The following NRXN1 variants were observed in gnomAD, a reference collection of about 807,000 sequenced individuals.
NRXN1 encodes neurexin-1.
In NRXN1, 39 loss-of-function variants were observed where a neutral mutation model predicts 150.9. That is an observed-to-expected ratio of 0.26 (90% CI 0.20 to 0.34). The LOEUF is 0.34. Ranked by LOEUF, NRXN1 falls within the 10% of genes least tolerant of loss-of-function variation. NRXN1 has a pLI of 1.00. For synonymous variants in NRXN1, 924 were observed against 757.0 expected (o/e 1.22, Z -3.62); for missense variants, 1,815 against 1,949.9 (o/e 0.93, Z 1.30).
chr2:50,250,386 AGGAGTAGGTT>A (rs1559170818), intron 17 of NRXN1, among the ~76,000 whole-genome samples: 1 of 152,132 alleles, frequency 6.6e-6, no homozygotes, highest in Non-Finnish European at 1.5e-5. Context: ...TTTGGTTTTC[AGGAGTAGGTT>A]GTAGATCCAC....
Position 50,916,263 on chromosome 2 carries a change from C to G in NRXN1, c.832+5606G>C, listed in dbSNP as rs1479403983. 2.0e-5 allele frequency among the ~76,000 whole-genome samples: 3 copies of G among 150,822 alleles called. No homozygotes were observed. In the Admixed American group the frequency reaches 2.0e-4, roughly 10 times the overall value. Reference sequence around the variant, plus strand: ...ATAATAAGCAGCGTCACCTTTCATGCCTTGTAACACAAAGAGGGACAATAT... The same window carrying G: ...ATAATAAGCAGCGTCACCTTTCATGGCTTGTAACACAAAGAGGGACAATAT... On this transcript the variant is annotated intron_variant, in intron 5 of 22. Coordinates refer to ENST00000401669, the MANE Select transcript of NRXN1 (RefSeq NM_001330078.2).
At position 49,942,589 on chromosome 2, in the gene NRXN1, A is replaced by ATAT. The variant is rs1553398763; in HGVS notation, c.4216+1112_4216+1114dup. Reference sequence around the variant, plus strand: ...CTCACTCATTTTGTTAATGCAAACAATATTATTATTATTATTATTATTATT... The same window carrying ATAT: ...CTCACTCATTTTGTTAATGCAAACAATATTATTATTATTATTATTATTATTATT... On this transcript the variant is annotated intron_variant, in intron 22 of 22. Coordinates refer to ENST00000401669, the MANE Select transcript of NRXN1 (RefSeq NM_001330078.2). 9.9e-3 allele frequency among the ~76,000 whole-genome samples: 1,475 copies of ATAT among 149,192 alleles called. 18 individuals are homozygous for ATAT. The highest frequency in any genetic ancestry group is 0.025 in the African/African-American group (1,012 of 40,624).
chr2:50,529,934 C>T (rs1163619666), intron 11 of NRXN1, among the ~76,000 whole-genome samples: 1 of 152,026 alleles, frequency 6.6e-6, no homozygotes, highest in Non-Finnish European at 1.5e-5. Context: ...CAATAAGATA[C>T]CAATGGGATA....
chr2:50,241,474 T>G (rs915221173), intron 17 of NRXN1, among the ~76,000 whole-genome samples: 2 of 151,776 alleles, frequency 1.3e-5, no homozygotes, highest in Non-Finnish European at 2.9e-5. Context: ...ACTAATGGAT[T>G]TACTGCAAAT....
intron 17 of NRXN1, among the ~76,000 whole-genome samples, chr2:50,332,414 G>C (rs931808611): frequency 2.0e-5 from 3 of 152,180 alleles, no homozygotes; most frequent in Non-Finnish European, 2.9e-5. Context: ...TTTGAAAGCA[G>C]AGGAAGTTAA....
At chr2:49,974,314 C>T (rs553854312) in intron 21 of NRXN1, 2 of 482,082 alleles carry the variant, frequency 4.1e-6, no homozygotes, top group East Asian at 4.5e-5. Context: ...CAGCCCAGCC[C>T]GGCACCACTC....
intron 5 of NRXN1, among the ~76,000 whole-genome samples, chr2:50,700,335 T>C (rs1296756991): frequency 6.6e-6 from 1 of 152,220 alleles, no homozygotes; most frequent in Non-Finnish European, 1.5e-5. Flanking sequence ...CTCTTCCATT[T>C]AATTTCTATG....
chr2:50,343,525 C>A (rs1369755347), intron 17 of NRXN1, among the ~76,000 whole-genome samples: 1 of 152,010 alleles, frequency 6.6e-6, no homozygotes, highest in African/African-American at 2.4e-5. Context: ...TGAGCCAATG[C>A]AAAATATAAA....
intron 5 of NRXN1, among the ~76,000 whole-genome samples, chr2:50,637,136 G>C (rs1683343142): frequency 6.6e-6 from 1 of 151,996 alleles, no homozygotes; most frequent in Non-Finnish European, 1.5e-5. Flanking sequence ...TCAATATAAT[G>C]AACATAGATA....
At chr2:50,299,716 T>C (rs1482391483) in intron 17 of NRXN1, among the ~76,000 whole-genome samples, 2 of 152,216 alleles carry the variant, frequency 1.3e-5, no homozygotes, top group African/African-American at 2.4e-5. Flanking sequence ...TTAATCTGTA[T>C]ATCCACATAA....
chr2:50,798,037 A>G (rs1056050815), intron 5 of NRXN1, among the ~76,000 whole-genome samples: 4 of 152,180 alleles, frequency 2.6e-5, no homozygotes, highest in Admixed American at 6.6e-5. Flanking sequence ...CTAAAAGTAG[A>G]TATTTCCTAT....
rs143313795 is a variant in NRXN1, at chr2:50,100,106, C to T, written c.3547-8612G>A. On this transcript the variant is annotated intron_variant, in intron 18 of 22. Coordinates refer to ENST00000401669, the MANE Select transcript of NRXN1 (RefSeq NM_001330078.2). ...TTCAAAATTTAAAAAAATAGAAAAA[C>T]TCTAAGATTTTATTGTGTTTTTAAA... Among the ~76,000 whole-genome samples the T allele has an allele frequency of 4.4e-3, 671 of 152,162 alleles. 6 individuals are homozygous for T. The highest frequency in any genetic ancestry group is 0.015 in the African/African-American group (638 of 41,536).
intron 2 of NRXN1, among the ~76,000 whole-genome samples, chr2:51,008,389 A>T (rs1375378234): frequency 6.6e-6 from 1 of 151,908 alleles, no homozygotes; most frequent in Non-Finnish European, 1.5e-5. Flanking sequence ...TGTAGAGACA[A>T]ATAAAGCTTG....
intron 19 of NRXN1, among the ~76,000 whole-genome samples, chr2:50,059,355 C>T (rs6720724): frequency 3.2e-4 from 48 of 152,234 alleles, no homozygotes; most frequent in African/African-American, 1.1e-3. Flanking sequence ...GTGTTCAAGA[C>T]GTGACTTGTG....
rs189311298 is a variant in NRXN1, at chr2:50,330,908, G to A, written c.3365-93938C>T. On this transcript the variant is annotated intron_variant, in intron 17 of 22. Transcript: ENST00000401669. ...GGACATTTAATATTCTTGTGTGTCA[G>A]AGACTACATTTGTAATATTAGGGGT... Among the ~76,000 whole-genome samples, 10 of 152,258 alleles carry A rather than the reference G, an allele frequency of 6.6e-5. No homozygotes were observed. The South Asian group carries it at 1.0e-3, about 16-fold the overall frequency.
At chr2:50,973,329 T>G (rs1035691614) in intron 2 of NRXN1, among the ~76,000 whole-genome samples, 2 of 152,130 alleles carry the variant, frequency 1.3e-5, no homozygotes, top group African/African-American at 4.8e-5. Flanking sequence ...GAGACATACA[T>G]GAACTATTCC....
intron 21 of NRXN1, among the ~76,000 whole-genome samples, chr2:50,007,007 G>A (rs1684876254): frequency 6.6e-6 from 1 of 152,104 alleles, no homozygotes; most frequent in African/African-American, 2.4e-5. Context: ...TGGTGAGATT[G>A]CATGACCTTT....
At chr2:50,663,184 T>C (rs779905279) in intron 5 of NRXN1, among the ~76,000 whole-genome samples, 21 of 152,064 alleles carry the variant, frequency 1.4e-4, no homozygotes, top group African/African-American at 3.9e-4. Flanking sequence ...CTTTTGCTCA[T>C]TGAAACACCA....
intron 19 of NRXN1, among the ~76,000 whole-genome samples, chr2:50,078,392 A>G (rs1217578960): frequency 4.0e-5 from 6 of 150,338 alleles, no homozygotes; most frequent in Non-Finnish European, 8.9e-5. Flanking sequence ...AAAATCTTAT[A>G]GAATGAGAGT....
Sources: gnomAD v4.1 joint callset for allele counts (sites outside exome capture counted in the v4.1 genomes callset) on GRCh38, gnomAD v4.1.1 for gene constraint, MANE v1.5 for transcripts, NCBI Gene and HGNC (gene_info 2026-07-23, HGNC 2026-07-21) for gene names.